SPDYE10: variants seen among roughly 807,000 people sequenced by gnomAD.
SPDYE10 encodes the protein speedy/RINGO cell cycle regulator family member E10.
At chr7:73,120,776 A>G in the SPDYE10 span, among the ~76,000 whole-genome samples, 1 of 148,948 alleles carries the variant, frequency 6.7e-6, no homozygotes, top group Non-Finnish European at 1.5e-5. Flanking sequence ...CAACAGAGGG[A>G]GATTCTGTCT....
the SPDYE10 span, among the ~76,000 whole-genome samples, chr7:73,123,628 T>A: frequency 6.6e-6 from 1 of 152,122 alleles, no homozygotes; most frequent in Non-Finnish European, 1.5e-5. Context: ...CTGGCTAATT[T>A]TATGTTTTTA....
the SPDYE10 span, among the ~76,000 whole-genome samples, chr7:73,141,111 C>CACACACACACACACAG: frequency 6.9e-6 from 1 of 145,440 alleles, no homozygotes; most frequent in African/African-American, 2.6e-5. Context: ...CACACACACA[C>CACACACACACACACAG]AGACAAAATT....
At chr7:73,127,408 A>T in the SPDYE10 span, among the ~76,000 whole-genome samples, 5 of 123,646 alleles carry the variant, frequency 4.0e-5, no homozygotes, top group Admixed American at 4.0e-4. Context: ...AAAAAAAAAA[A>T]ATTAGCCAGG....
the SPDYE10 span, among the ~76,000 whole-genome samples, chr7:73,130,494 G>A: frequency 6.6e-6 from 1 of 152,284 alleles, no homozygotes; most frequent in Non-Finnish European, 1.5e-5. Context: ...GTCTCACTCT[G>A]CTGCTCAGGG....
chr7:73,115,407 C>A, the SPDYE10 span, among the ~76,000 whole-genome samples: 996 of 151,846 alleles, frequency 6.6e-3, 8 homozygotes, highest in African/African-American at 0.022. Flanking sequence ...CTCCACTCCC[C>A]TGGCCCTGCT....
At chr7:73,145,085 CTTCT>C in the SPDYE10 span, among the ~76,000 whole-genome samples, 1,583 of 136,872 alleles carry the variant, frequency 0.012, 4 homozygotes, top group Middle Eastern at 0.032. Context: ...CTTTTTCTTT[CTTCT>C]TTCTTTCTTT....
At chr7:73,126,792 G>A in the SPDYE10 span, among the ~76,000 whole-genome samples, 1 of 150,364 alleles carries the variant, frequency 6.7e-6, no homozygotes, top group Non-Finnish European at 1.5e-5. Context: ...ATTCTCCCAA[G>A]TAACTGGGAC....
At chr7:73,131,210 A>C in the SPDYE10 span, among the ~76,000 whole-genome samples, 1 of 140,840 alleles carries the variant, frequency 7.1e-6, no homozygotes, top group Non-Finnish European at 1.5e-5. Context: ...CTTTAAAAAA[A>C]AAAAAAAAAA....
the SPDYE10 span, among the ~76,000 whole-genome samples, chr7:73,139,741 CCA>C: frequency 2.1e-5 from 3 of 140,530 alleles, no homozygotes; most frequent in East Asian, 6.1e-4. Context: ...ACTGCAAGCT[CCA>C]TCTCCTGGGT....
At chr7:73,142,625 G>C in the SPDYE10 span, among the ~76,000 whole-genome samples, 1 of 152,120 alleles carries the variant, frequency 6.6e-6, no homozygotes, top group Admixed American at 6.5e-5. Flanking sequence ...CCATGGGGCA[G>C]AACTGTCCTG....
the SPDYE10 span, among the ~76,000 whole-genome samples, chr7:73,135,529 CTTT>C: frequency 8.3e-6 from 1 of 120,828 alleles, no homozygotes; most frequent in African/African-American, 3.3e-5. Context: ...TCTTTCTTTT[CTTT>C]TTTTTTTTTT....
the SPDYE10 span, among the ~76,000 whole-genome samples, chr7:73,149,303 C>T: frequency 2.2e-4 from 19 of 87,754 alleles, 3 homozygotes; most frequent in African/African-American, 7.0e-4. Flanking sequence ...TTTGGGGGGG[C>T]GGGGGACAGA....
the SPDYE10 span, among the ~76,000 whole-genome samples, chr7:73,152,283 G>T: frequency 7.3e-6 from 1 of 136,644 alleles, no homozygotes; most frequent in Non-Finnish European, 1.6e-5. Context: ...AAAATGCTGG[G>T]ATTATAGTTG....
the SPDYE10 span, among the ~76,000 whole-genome samples, chr7:73,135,406 GCATTCATTCATT>G: frequency 6.8e-5 from 10 of 146,364 alleles, no homozygotes; most frequent in African/African-American, 2.0e-4. Context: ...CTTTGTCCAC[GCATTCATTCATT>G]CATTCATTCA....
chr7:73,139,618 CT>C, the SPDYE10 span, among the ~76,000 whole-genome samples: 2 of 150,070 alleles, frequency 1.3e-5, no homozygotes, highest in African/African-American at 2.5e-5. Context: ...ACCACGCCCC[CT>C]GGCCTTTTTT....
chr7:73,107,560 G>A, the SPDYE10 span, among the ~76,000 whole-genome samples: 1 of 47,848 alleles, frequency 2.1e-5, no homozygotes, highest in African/African-American at 7.1e-5. Flanking sequence ...TATGGAGGCT[G>A]CGGTGAGCTA....
At chr7:73,125,025 G>A in the SPDYE10 span, among the ~76,000 whole-genome samples, 1 of 145,594 alleles carries the variant, frequency 6.9e-6, no homozygotes, top group African/African-American at 2.7e-5. Context: ...AATTTGTGCA[G>A]GGGGATCTCA....
At chr7:73,125,334 A>G in the SPDYE10 span, among the ~76,000 whole-genome samples, 3 of 148,552 alleles carry the variant, frequency 2.0e-5, no homozygotes, top group Admixed American at 1.3e-4. Flanking sequence ...AGAATCTGCC[A>G]ATGTATCCAG....
the SPDYE10 span, among the ~76,000 whole-genome samples, chr7:73,148,708 T>TA: frequency 1.7e-4 from 4 of 23,128 alleles, no homozygotes; most frequent in African/African-American, 5.4e-4. Context: ...ATACTCTTCT[T>TA]AGACCATGGG....
Sources: gnomAD v4.1 joint callset for allele counts (sites outside exome capture counted in the v4.1 genomes callset) on GRCh38, gnomAD v4.1.1 for gene constraint, MANE v1.5 for transcripts, NCBI Gene and HGNC (gene_info 2026-07-23, HGNC 2026-07-21) for gene names.